The following CNTNAP2 variants were observed in gnomAD, a reference collection of about 807,000 sequenced individuals.
The protein encoded by CNTNAP2 is contactin-associated protein-like 2.
A neutral mutation model predicts 155.2 loss-of-function variants in CNTNAP2; 98 were observed. That is an observed-to-expected ratio of 0.63 (90% CI 0.54 to 0.75). The LOEUF (loss-of-function observed/expected upper bound fraction) is 0.75. Ranked by LOEUF, CNTNAP2 falls within the 30% of genes least tolerant of loss-of-function variation. CNTNAP2 has a pLI of 0.00. For missense variants in CNTNAP2, 1,727 were observed against 1,688.1 expected, an observed-to-expected ratio of 1.02 and a Z score of -0.40; for synonymous variants, 651 against 631.2, an observed-to-expected ratio of 1.03 and a Z score of -0.47.
At chr7:146,844,031 A>C (rs1233782779) in intron 3 of CNTNAP2, among the ~76,000 whole-genome samples, 4 of 152,130 alleles carry the variant, frequency 2.6e-5, no homozygotes, top group Non-Finnish European at 5.9e-5. Context: ...TGTTTTTCTG[A>C]TTGTTGGGGA....
intron 3 of CNTNAP2, among the ~76,000 whole-genome samples, chr7:147,035,073 C>T (rs1297170770): frequency 6.6e-6 from 1 of 152,174 alleles, no homozygotes; most frequent in African/African-American, 2.4e-5. Context: ...CTGCTTTAAT[C>T]AGTAGAGTCC....
chr7:146,579,231 C>G (rs1036924304), intron 1 of CNTNAP2, among the ~76,000 whole-genome samples: 2 of 152,016 alleles, frequency 1.3e-5, no homozygotes, highest in African/African-American at 4.8e-5. Context: ...TAAATATTTT[C>G]TAAACAAGTA....
intron 13 of CNTNAP2, among the ~76,000 whole-genome samples, chr7:147,738,324 T>C (rs111997197): frequency 4.0e-4 from 61 of 152,038 alleles, no homozygotes; most frequent in Non-Finnish European, 1.2e-4. Context: ...AGTTCTACTC[T>C]GAGTAAAATG....
chr7:146,808,976 A>G (rs1803016348), intron 2 of CNTNAP2, among the ~76,000 whole-genome samples: 1 of 152,222 alleles, frequency 6.6e-6, no homozygotes, highest in Non-Finnish European at 1.5e-5. Context: ...GTTGATGGAC[A>G]CTTATGTTGT....
intron 4 of CNTNAP2, among the ~76,000 whole-genome samples, chr7:147,053,072 A>G (rs1799500597): frequency 6.6e-6 from 1 of 152,098 alleles, no homozygotes; most frequent in Admixed American, 6.6e-5. Context: ...TCAGTTTGAG[A>G]TAATGACTTC....
chr7:148,193,083 A>G (rs1795226165), intron 18 of CNTNAP2, among the ~76,000 whole-genome samples: 1 of 152,226 alleles, frequency 6.6e-6, no homozygotes, highest in Non-Finnish European at 1.5e-5. Context: ...ATTTTCACCT[A>G]GTATTCTAAA....
chr7:147,265,121 T>C (rs1161320904), intron 8 of CNTNAP2, among the ~76,000 whole-genome samples: 1 of 152,182 alleles, frequency 6.6e-6, no homozygotes, highest in Non-Finnish European at 1.5e-5. Context: ...AGTTAAATTC[T>C]AGCTCCTGAC....
At chr7:146,421,920 T>C (rs1321732693) in intron 1 of CNTNAP2, among the ~76,000 whole-genome samples, 3 of 151,894 alleles carry the variant, frequency 2.0e-5, no homozygotes, top group Admixed American at 6.6e-5. Context: ...TGGACTTTTC[T>C]ATATATTATA....
intron 1 of CNTNAP2, among the ~76,000 whole-genome samples, chr7:146,124,757 A>G (rs1797610724): frequency 6.6e-6 from 1 of 152,178 alleles, no homozygotes; most frequent in Non-Finnish European, 1.5e-5. Flanking sequence ...ACTGAAGAAA[A>G]CATGATTCGG....
intron 13 of CNTNAP2, among the ~76,000 whole-genome samples, chr7:147,828,684 CTCTT>C (rs1170766080): frequency 6.6e-6 from 1 of 152,182 alleles, no homozygotes; most frequent in Non-Finnish European, 1.5e-5. Context: ...AGGGAAGCAT[CTCTT>C]TCTTCATAAA....
intron 15 of CNTNAP2, among the ~76,000 whole-genome samples, chr7:147,991,100 G>C (rs867288247): frequency 6.6e-6 from 1 of 152,180 alleles, no homozygotes; most frequent in South Asian, 2.1e-4. Context: ...GAAAGTCCTA[G>C]GGTTTAGAAA....
intron 15 of CNTNAP2, among the ~76,000 whole-genome samples, chr7:147,984,298 C>T (rs944898724): frequency 6.6e-6 from 1 of 152,182 alleles, no homozygotes; most frequent in South Asian, 2.1e-4. Context: ...AATCCTGTGA[C>T]TTAGAACTTC....
At chr7:146,474,850 C>T (rs1451657541) in intron 1 of CNTNAP2, among the ~76,000 whole-genome samples, 1 of 152,138 alleles carries the variant, frequency 6.6e-6, no homozygotes, top group Non-Finnish European at 1.5e-5. Context: ...GATGCTGCTT[C>T]TCATCTCTAC....
intron 8 of CNTNAP2, among the ~76,000 whole-genome samples, chr7:147,231,104 A>G (rs1453448350): frequency 6.6e-6 from 1 of 152,206 alleles, no homozygotes; most frequent in Non-Finnish European, 1.5e-5. Flanking sequence ...TTAAAACATC[A>G]GCTCTCCTGA....
intron 14 of CNTNAP2, among the ~76,000 whole-genome samples, chr7:147,937,095 G>A (rs761535724): frequency 1.5e-4 from 23 of 151,792 alleles, no homozygotes; most frequent in African/African-American, 3.1e-4. Context: ...ATGGTGCTCC[G>A]GGACTTTATT....
chr7:146,621,489 C>T (rs905598104), intron 1 of CNTNAP2, among the ~76,000 whole-genome samples: 1 of 152,128 alleles, frequency 6.6e-6, no homozygotes, highest in Admixed American at 6.6e-5. Context: ...ATGACTGTTT[C>T]TCAGACTTTA....
At chr7:146,444,744 GC>G (rs1796377402) in intron 1 of CNTNAP2, among the ~76,000 whole-genome samples, 1 of 148,334 alleles carries the variant, frequency 6.7e-6, no homozygotes, top group East Asian at 2.0e-4. Context: ...TGCAACTTCT[GC>G]CCCCCAGGTT....
chr7:147,401,548 G>T (rs956380279), intron 10 of CNTNAP2, among the ~76,000 whole-genome samples: 4 of 152,138 alleles, frequency 2.6e-5, no homozygotes, highest in Non-Finnish European at 5.9e-5. Flanking sequence ...AATTGACTCT[G>T]TTGGAAAGGC....
chr7:147,806,830 T>A (rs886526127), intron 13 of CNTNAP2, among the ~76,000 whole-genome samples: 58 of 152,122 alleles, frequency 3.8e-4, no homozygotes, highest in South Asian at 2.1e-4. Context: ...AGAATGATGG[T>A]TACCAGACTT....
Sources: gnomAD v4.1 joint callset for allele counts (sites outside exome capture counted in the v4.1 genomes callset) on GRCh38, gnomAD v4.1.1 for gene constraint, MANE v1.5 for transcripts, NCBI Gene and HGNC (gene_info 2026-07-23, HGNC 2026-07-21) for gene names.